Variants in EPOR observed in about 807,000 individuals in gnomAD.
EPOR encodes erythropoietin receptor.
Under a neutral mutation model 34.3 loss-of-function variants are expected in EPOR, and 20 were observed. That is an observed-to-expected ratio of 0.58 (90% confidence interval 0.41 to 0.85). The LOEUF (loss-of-function observed/expected upper bound fraction) is 0.85, where lower values mean the gene tolerates loss of function less well. Among genes scored for constraint, EPOR ranks in the 40% least tolerant of loss-of-function variants. The pLI is 0.00. For missense variants in EPOR, 601 were observed against 672.7 expected (o/e 0.89, Z 1.18); for synonymous variants, 312 against 299.0 (o/e 1.04, Z -0.45).
rs1281747517 is a variant in EPOR at position 11,381,618 on chromosome 19, G to A, written c.585+74C>T. 1.5e-5 allele frequency: 23 copies of A among 1,493,912 alleles called. No homozygotes were observed. The highest frequency in any genetic ancestry group is 2.0e-5 in the Admixed American group (1 of 50,000). The allele number at this position is 1,493,912 out of a possible 1,614,324, so 92.5% of individuals were successfully genotyped here. On this transcript the variant is annotated intron_variant, in intron 4 of 7. Transcript: ENST00000222139. This position sits in a 1 kb window ranked among gnomAD's most constrained non-coding sequence, Gnocchi z 5.3. ...GGACCGGCCCTGAAAGCGGCACCGG[G>A]CGCGACCTCGAGAGGCGTGGCTGGG... is the stretch of plus-strand genomic sequence containing the variant.
chr19:11,378,652 G>A lies in EPOR; in HGVS notation c.915+39C>T. ...GCCTGCAGTTTGGCTGCAAGAAGCA[G>A]GGAAGCCCAGGCACTGAGGGGACAA... On this transcript the variant is annotated intron_variant, in intron 7 of 7. Transcript: ENST00000222139. The surrounding 1 kb of genome is among the most constrained non-coding windows in gnomAD (Gnocchi z 5.3). 6.2e-7 allele frequency: 1 copy of A among 1,614,164 alleles called. No individual in the cohort carries two copies.
chr19:11,381,265 G>A lies in EPOR; in HGVS notation c.586-56C>T. The A allele has an allele frequency of 2.0e-6, 3 of 1,538,392 alleles. No homozygotes were observed. Among genetic ancestry groups the A allele is most frequent in the South Asian group, 2.4e-5 (2 of 83,772 alleles). ...AGCAGACAAAAATAGATGACGTGGG[G>A]GCGGGCCCTGGTGGAACTGAGCCAA... is the stretch of plus-strand genomic sequence containing the variant. On this transcript the variant is annotated intron_variant, in intron 4 of 7. Coordinates refer to ENST00000222139, the MANE Select transcript of EPOR (RefSeq NM_000121.4). This position sits in a 1 kb window ranked among gnomAD's most constrained non-coding sequence, Gnocchi z 5.3.
Position 11,381,589 on chromosome 19 carries a change from T to C in EPOR, c.585+103A>G, listed in dbSNP as rs1489089626. The C allele has an allele frequency of 4.0e-6, 5 of 1,236,842 alleles. No homozygotes were observed. The Admixed American group carries it at 1.0e-4, about 26-fold the overall frequency. The allele number at this position is 1,236,842 out of a possible 1,614,324, so 76.6% of individuals were successfully genotyped here. On this transcript the variant is annotated intron_variant, in intron 4 of 7. Coordinates refer to ENST00000222139, the MANE Select transcript of EPOR (RefSeq NM_000121.4). This position sits in a 1 kb window ranked among gnomAD's most constrained non-coding sequence, Gnocchi z 5.3. ...CACCAGGGTAATGGGATGTGGGATG[T>C]TACGGACCGGCCCTGAAAGCGGCAC...
In EPOR at chr19:11,383,564, T is replaced by A; in HGVS notation, c.116-332A>T. On this transcript the variant is annotated intron_variant, in intron 1 of 7. Coordinates refer to ENST00000222139, the MANE Select transcript of EPOR (RefSeq NM_000121.4). The surrounding 1 kb of genome is among the most constrained non-coding windows in gnomAD (Gnocchi z 4.9). The stretch of plus-strand genomic sequence containing the variant: ...GGACACGCGCGCGGCTGGGGGTGTG[T>A]GCGGAGAGGCGGGCCCCCTATCGGC... 1 of 291,800 alleles carries A rather than the reference T, an allele frequency of 3.4e-6. No individual in the cohort carries two copies. The highest frequency in any genetic ancestry group is 2.2e-5 in the African/African-American group (1 of 44,826). 18.1% of individuals were successfully genotyped at this position (291,800 alleles called of 1,614,324 possible).
Position 11,378,059 on chromosome 19 carries a change from G to A in EPOR, c.1452C>T (p.Pro484=). The A allele has an allele frequency of 1.2e-6, 2 of 1,614,142 alleles. No individual in the cohort carries two copies. The highest frequency in any genetic ancestry group is 8.5e-7 in the Non-Finnish European group (1 of 1,180,002). ...GGCTGTTCTCATAAGGGTTGGAGTA[G>A]GGGCCATCGGATAAGCCCCCTTGGG... The part of the protein sequence containing the change: ...QGAQGGLSDG[P]YSNPYENSLI... Residue 484 remains proline, a synonymous_variant, in exon 8 of 8, where the codon CCC becomes CCT. Transcript: ENST00000222139. This position sits in a 1 kb window ranked among gnomAD's most constrained non-coding sequence, Gnocchi z 5.3.
Position 11,383,360 on chromosome 19 carries a change from A to C in EPOR, c.116-128T>G. 1 of 983,012 alleles carries C rather than the reference A, an allele frequency of 1.0e-6. No individual in the cohort carries two copies. Among genetic ancestry groups the C allele is most frequent in the Non-Finnish European group, 1.5e-6 (1 of 687,706 alleles). The allele number at this position is 983,012 out of a possible 1,614,324, so 60.9% of individuals were successfully genotyped here. ...AAAAGCCCCGCCCTGCCATCTTCCC[A>C]AGCGGGTCCCTTGGAGGGGTCCGCA... On this transcript the variant is annotated intron_variant, in intron 1 of 7. Transcript: ENST00000222139. This position sits in a 1 kb window ranked among gnomAD's most constrained non-coding sequence, Gnocchi z 4.9.
At position 11,378,208 on chromosome 19, in the gene EPOR, G is replaced by C. The variant is rs138559043; in HGVS notation, c.1303C>G (p.Leu435Val). Reference protein sequence around the residue: ...EYTILDPSSQLLRPWTLCPEL... With the variant: ...EYTILDPSSQVLRPWTLCPEL... ...GGGCACAGTGTCCATGGACGCAAGA[G>C]CTGGGAGCTGGGGTCCAGGATAGTG... Residue 435 changes from leucine to valine, a missense_variant, in exon 8 of 8, where the codon CTC becomes GTC. Leu to Val is a conservative substitution (Grantham distance 32, BLOSUM62 1). Transcript: ENST00000222139. The surrounding 1 kb of genome is among the most constrained non-coding windows in gnomAD (Gnocchi z 5.3). 17 of 1,614,038 alleles carry C rather than the reference G, an allele frequency of 1.1e-5. No homozygotes were observed. Among genetic ancestry groups the C allele is most frequent in the South Asian group, 7.7e-5 (7 of 91,090 alleles).
At position 11,378,467 on chromosome 19, in the gene EPOR, C is replaced by A; in HGVS notation, c.1044G>T (p.Gly348=). 1 of 1,614,190 alleles carries A rather than the reference C, an allele frequency of 6.2e-7. No homozygotes were observed. Among genetic ancestry groups the A allele is most frequent in the Non-Finnish European group, 8.5e-7 (1 of 1,180,034 alleles). The change falls in exon 8 of 8, where the codon GGG becomes GGT. Residue 348 remains glycine (G), a synonymous_variant. Coordinates refer to ENST00000222139, the MANE Select transcript of EPOR (RefSeq NM_000121.4). This position sits in a 1 kb window ranked among gnomAD's most constrained non-coding sequence, Gnocchi z 5.3. ...CCAGCAGGGGGCCCTCATCATCTGT[C>A]CCCGGCTCCACTGCCTGCATCGTCC... is the stretch of plus-strand genomic sequence containing the variant. ...CWGTMQAVEP[G]TDDEGPLLEP... is the part of the protein sequence containing the mutation.
rs1568328293 is a variant in EPOR at position 11,378,514 on chromosome 19, C to A, written c.997G>T (p.Val333Phe). 1 of 1,614,196 alleles carries A rather than the reference C, an allele frequency of 6.2e-7. No individual in the cohort carries two copies. The change falls in exon 8 of 8, where the codon GTC becomes TTC. Residue 333 changes from valine (V) to phenylalanine (F), a missense_variant. By Grantham distance (50) the Val-to-Phe change is conservative. Coordinates refer to ENST00000222139, the MANE Select transcript of EPOR (RefSeq NM_000121.4). The surrounding 1 kb of genome is among the most constrained non-coding windows in gnomAD (Gnocchi z 5.3). The stretch of plus-strand genomic sequence containing the variant: ...GTCCCCCAGCAGCGCTCTGAGAGGA[C>A]TTCCAGGGAAGCAGGTGGGTCCTCC... The part of the protein sequence containing the change: ...FTEDPPASLE[V>F]LSERCWGTMQ...
Position 11,378,276 on chromosome 19 carries a change from G to C in EPOR, c.1235C>G (p.Ser412Trp). The C allele has an allele frequency of 6.2e-7, 1 of 1,614,060 alleles. No homozygotes were observed. Residue 412 changes from serine to tryptophan, a missense_variant, in exon 8 of 8, where the codon TCG (serine) becomes TGG (tryptophan). Coordinates refer to ENST00000222139, the MANE Select transcript of EPOR (RefSeq NM_000121.4). The surrounding 1 kb of genome is among the most constrained non-coding windows in gnomAD (Gnocchi z 5.3). ...EASSCSSALA[S>W]KPSPEGASAA... ...AGAGGCTCCCTCTGGGCTGGGCTTC[G>C]AGGCCAAAGCAGATGAGCAGGAGGA...
Position 11,381,397 on chromosome 19 carries a change from A to T in EPOR, c.586-188T>A. Reference sequence around the variant, plus strand: ...AATCAGAGAGAGAGTCTCTGGTACGAAAGGGCGGGACCCGGGCAATTTAAT... The same window carrying T: ...AATCAGAGAGAGAGTCTCTGGTACGTAAGGGCGGGACCCGGGCAATTTAAT... On this transcript the variant is annotated intron_variant, in intron 4 of 7. Coordinates refer to ENST00000222139, the MANE Select transcript of EPOR (RefSeq NM_000121.4). This position sits in a 1 kb window ranked among gnomAD's most constrained non-coding sequence, Gnocchi z 5.3. 1 of 723,100 alleles carries T rather than the reference A, an allele frequency of 1.4e-6. No homozygotes were observed. Among genetic ancestry groups the T allele is most frequent in the South Asian group, 1.8e-5 (1 of 56,820 alleles). 44.8% of individuals were successfully genotyped at this position (723,100 alleles called of 1,614,324 possible). A position where few individuals can be genotyped will look rare whatever the true frequency, so the allele number is the denominator to read the frequency against.
At chr19:11,384,001 A>T in intron 1 of EPOR, 92 bp downstream of exon 1, 1 of 773,312 alleles carries the variant, frequency 1.3e-6, no homozygotes, top group African/African-American at 1.8e-5. Flanking sequence ...GTCCAGAAAC[A>T]GGCATGGCCC....
Position 11,383,564 on chromosome 19 carries a change from T to C in EPOR, c.116-332A>G. ...GGACACGCGCGCGGCTGGGGGTGTG[T>C]GCGGAGAGGCGGGCCCCCTATCGGC... On this transcript the variant is annotated intron_variant, in intron 1 of 7. Transcript: ENST00000222139. This position sits in a 1 kb window ranked among gnomAD's most constrained non-coding sequence, Gnocchi z 4.9. The C allele has an allele frequency of 1.0e-5, 3 of 291,800 alleles. No homozygotes were observed. The allele number at this position is 291,800 out of a possible 1,614,324, so 18.1% of individuals were successfully genotyped here.
At chr19:11,379,254 T>C (rs1968324282) in intron 6 of EPOR, among the ~76,000 whole-genome samples, 1 of 152,176 alleles carries the variant, frequency 6.6e-6, no homozygotes, top group Admixed American at 6.5e-5. Context: ...ATAAATATTA[T>C]GTTACCTTCT....
At position 11,384,264 on chromosome 19, in the gene EPOR, G is replaced by T. The variant is rs890560691; in HGVS notation, c.-57C>A. ...TCCTGCCCCTCCGTCCCCCGCCCCC[G>T]GCACAGTCCACAGCTGGGTCAGCAG... On this transcript the variant is annotated 5_prime_UTR_variant, in exon 1 of 8. Transcript: ENST00000222139. The T allele has an allele frequency of 8.4e-7, 1 of 1,197,208 alleles. No homozygotes were observed. Among genetic ancestry groups the T allele is most frequent in the South Asian group, 1.3e-5 (1 of 77,124 alleles). The allele number at this position is 1,197,208 out of a possible 1,614,324, so 74.2% of individuals were successfully genotyped here. A position where few individuals can be genotyped will look rare whatever the true frequency, so the allele number is the denominator to read the frequency against.
chr19:11,377,420 C>A lies in EPOR; in HGVS notation c.*564G>T, dbSNP rs1021924996. ...TCAAATGGCCCATTGAGGGTCATTG[C>A]TGCCCTTTTTCTTCCCTTGCTGACT... On this transcript the variant is annotated 3_prime_UTR_variant, in exon 8 of 8. Transcript: ENST00000222139. 1.5e-5 allele frequency: 7 copies of A among 453,942 alleles called. No individual in the cohort carries two copies. Among genetic ancestry groups the A allele is most frequent in the Admixed American group, 9.4e-5 (4 of 42,538 alleles). 28.1% of individuals were successfully genotyped at this position (453,942 alleles called of 1,614,324 possible).
At chr19:11,382,853 T>G in intron 2 of EPOR, 3 of 1,492,010 alleles carry the variant, frequency 2.0e-6, no homozygotes, top group South Asian at 1.2e-5. Flanking sequence ...TTACCCTCGA[T>G]TTGGAGGCGT....
rs149300172 is a variant in EPOR, at chr19:11,378,278, G to A, written c.1233C>T (p.Ala411=). 6.2e-7 allele frequency: 1 copy of A among 1,614,066 alleles called. No individual in the cohort carries two copies. Among genetic ancestry groups the A allele is most frequent in the Non-Finnish European group, 8.5e-7 (1 of 1,180,016 alleles). Residue 411 remains alanine, a synonymous_variant, in exon 8 of 8, where the codon GCC becomes GCT. Transcript: ENST00000222139. The surrounding 1 kb of genome is among the most constrained non-coding windows in gnomAD (Gnocchi z 5.3). ...SEASSCSSAL[A]SKPSPEGASA... is the part of the protein sequence containing the mutation. ...AGGCTCCCTCTGGGCTGGGCTTCGAGGCCAAAGCAGATGAGCAGGAGGATG... is the reference window on the plus strand; with the variant it reads ...AGGCTCCCTCTGGGCTGGGCTTCGAAGCCAAAGCAGATGAGCAGGAGGATG...
chr19:11,377,864 G>A lies in EPOR; in HGVS notation c.*120C>T. ...TTTCCTGAGCAGGATGGATTGGGCA[G>A]ACAAAATCAGCAATGCCCCTGCTCC... On this transcript the variant is annotated 3_prime_UTR_variant, in exon 8 of 8. Coordinates refer to ENST00000222139, the MANE Select transcript of EPOR (RefSeq NM_000121.4). The A allele has an allele frequency of 7.8e-7, 1 of 1,282,386 alleles. No homozygotes were observed. Among genetic ancestry groups the A allele is most frequent in the East Asian group, 2.3e-5 (1 of 43,430 alleles). The allele number at this position is 1,282,386 out of a possible 1,614,324, so 79.4% of individuals were successfully genotyped here. A position where few individuals can be genotyped will look rare whatever the true frequency, so the allele number is the denominator to read the frequency against.
Sources: allele counts gnomAD v4.1 joint callset (sites outside exome capture counted in the v4.1 genomes callset), GRCh38; gene constraint gnomAD v4.1.1; non-coding constraint Gnocchi (gnomAD v3.1); transcripts MANE v1.5; gene names NCBI Gene and HGNC (gene_info 2026-07-23, HGNC 2026-07-21).